APBB1IP: variants seen among roughly 807,000 people sequenced by gnomAD.
APBB1IP encodes amyloid beta precursor protein binding family B member 1 interacting protein.
A neutral mutation model predicts 64.9 loss-of-function variants in APBB1IP; 27 were observed. That is an observed-to-expected ratio of 0.42 (90% CI 0.31 to 0.57). The LOEUF (loss-of-function observed/expected upper bound fraction) is 0.57, where lower values mean the gene tolerates loss of function less well. Among genes scored for constraint, APBB1IP ranks in the 20% least tolerant of loss-of-function variants. The probability of loss-of-function intolerance (pLI) is 0.20; values close to 1 mark genes in which losing one functional copy is unlikely to be tolerated. For synonymous variants in APBB1IP, 392 were observed against 331.0 expected (o/e 1.18, Z -2.00); for missense variants, 812 against 845.5 (o/e 0.96, Z 0.49).
chr10:26,451,772 T>C (rs977249878), intron 2 of APBB1IP, among the ~76,000 whole-genome samples: 2 of 152,216 alleles, frequency 1.3e-5, no homozygotes, highest in South Asian at 2.1e-4. Flanking sequence ...AGTTCCAATG[T>C]TTTAAGATTA....
At chr10:26,487,452 T>C (rs369145585) in intron 2 of APBB1IP, among the ~76,000 whole-genome samples, 1 of 152,214 alleles carries the variant, frequency 6.6e-6, no homozygotes, top group East Asian at 1.9e-4. Flanking sequence ...AATGTCTTTT[T>C]ATCTTCACCG....
intron 8 of APBB1IP, among the ~76,000 whole-genome samples, chr10:26,520,676 T>G (rs1836391976): frequency 6.6e-6 from 1 of 152,200 alleles, no homozygotes; most frequent in Admixed American, 6.5e-5. Context: ...CACTGGTGAC[T>G]GGAAATGTGG....
rs1160145780 is a variant in APBB1IP, at chr10:26,567,117, G to A, written c.1630G>A (p.Gly544Arg). 2 of 1,427,590 alleles carry A rather than the reference G, an allele frequency of 1.4e-6. No individual in the cohort carries two copies. The highest frequency in any genetic ancestry group is 1.8e-6 in the Non-Finnish European group (2 of 1,103,270). The allele number at this position is 1,427,590 out of a possible 1,614,324, so 88.4% of individuals were successfully genotyped here. A position where few individuals can be genotyped will look rare whatever the true frequency, so the allele number is the denominator to read the frequency against. Reference sequence around the variant, plus strand: ...CCTCAAGGCCAAGGGCACAGGCGGCGGGGGCTTGCCCGCCCCACCCGACGA... The same window carrying A: ...CCTCAAGGCCAAGGGCACAGGCGGCAGGGGCTTGCCCGCCCCACCCGACGA... ...TPLKAKGTGG[G>R]GLPAPPDDFL... The change falls in exon 15 of 15, where the codon GGG becomes AGG. Residue 544 changes from glycine (G) to arginine (R), a missense_variant. Coordinates refer to ENST00000376236, the MANE Select transcript of APBB1IP (RefSeq NM_019043.4).
chr10:26,495,555 G>A (rs1172274518), intron 3 of APBB1IP, among the ~76,000 whole-genome samples: 1 of 151,018 alleles, frequency 6.6e-6, no homozygotes, highest in Non-Finnish European at 1.5e-5. Flanking sequence ...GCTCACATGA[G>A]CCCAGGAGTT....
intron 11 of APBB1IP, among the ~76,000 whole-genome samples, chr10:26,542,605 T>C (rs1468347681): frequency 6.6e-6 from 1 of 152,208 alleles, no homozygotes; most frequent in Admixed American, 6.5e-5. Flanking sequence ...CGTTTCTTTT[T>C]AGTCAAATGC....
intron 2 of APBB1IP, among the ~76,000 whole-genome samples, chr10:26,473,462 C>T (rs576282228): frequency 4.6e-5 from 7 of 152,200 alleles, no homozygotes; most frequent in Non-Finnish European, 1.0e-4. Context: ...AGCGCTGTCT[C>T]ATTGTGAGTC....
chr10:26,496,375 G>A lies in APBB1IP; in HGVS notation c.144G>A (p.Gly48=), dbSNP rs770437464. 1 of 1,610,430 alleles carries A rather than the reference G, an allele frequency of 6.2e-7. No individual in the cohort carries two copies. The highest frequency in any genetic ancestry group is 1.7e-5 in the Admixed American group (1 of 59,854). ...GAGCTGAATTTAACTACAGTGTGGG[G>A]TTTAAAGATTTAAATGGTAAGCATA... ...PPRAEFNYSV[G]FKDLNESLNA... Residue 48 remains glycine, a synonymous_variant, in exon 4 of 15, where the codon GGG becomes GGA. Transcript: ENST00000376236.
At chr10:26,492,004 T>G (rs1238690010) in intron 2 of APBB1IP, among the ~76,000 whole-genome samples, 1 of 152,118 alleles carries the variant, frequency 6.6e-6, no homozygotes, top group African/African-American at 2.4e-5. Flanking sequence ...TCAGGTGATC[T>G]GCCTGTCTCG....
chr10:26,503,426 G>A (rs1002334534), intron 6 of APBB1IP, 152 bp downstream of exon 6: 1 of 660,276 alleles, frequency 1.5e-6, no homozygotes, highest in African/African-American at 1.8e-5. Flanking sequence ...ATGAGGTCAG[G>A]AGATCGAGAC....
chr10:26,463,303 A>G (rs1423931849), intron 2 of APBB1IP, among the ~76,000 whole-genome samples: 1 of 152,146 alleles, frequency 6.6e-6, no homozygotes, highest in Non-Finnish European at 1.5e-5. Context: ...AGCTGGGGAT[A>G]GTGTCACACA....
At chr10:26,551,736 T>A (rs1423866896) in intron 11 of APBB1IP, among the ~76,000 whole-genome samples, 2 of 152,236 alleles carry the variant, frequency 1.3e-5, no homozygotes, top group Admixed American at 1.3e-4. Context: ...AAAATTATAT[T>A]ACTTTAGTGT....
rs185269307 is a variant in APBB1IP, at chr10:26,512,052, A to G, written c.691+146A>G. 6.8e-6 allele frequency: 7 copies of G among 1,028,718 alleles called. No homozygotes were observed. The Admixed American group carries it at 2.0e-4, about 30-fold the overall frequency. The allele number at this position is 1,028,718 out of a possible 1,614,324, so 63.7% of individuals were successfully genotyped here. ...ACTATGCTGCCCAGGCTGATCTCAA[A>G]ATCCTGTGCTCAAGCGATCCTCCCA... On this transcript the variant is annotated intron_variant, in intron 7 of 14. Coordinates refer to ENST00000376236, the MANE Select transcript of APBB1IP (RefSeq NM_019043.4).
chr10:26,496,807 T>A (rs61210418), intron 4 of APBB1IP, among the ~76,000 whole-genome samples: 12,210 of 150,456 alleles, frequency 0.081, 773 homozygotes, highest in East Asian at 0.24. Context: ...AAATATTTTT[T>A]AATTTATATA....
chr10:26,470,039 G>A (rs1835698100), intron 2 of APBB1IP, among the ~76,000 whole-genome samples: 1 of 152,196 alleles, frequency 6.6e-6, no homozygotes, highest in Non-Finnish European at 1.5e-5. Context: ...GATGGGGCAA[G>A]TGGCGGGGAC....
intron 2 of APBB1IP, among the ~76,000 whole-genome samples, chr10:26,473,966 C>A (rs1361141190): frequency 2.1e-5 from 3 of 144,992 alleles, no homozygotes; most frequent in Non-Finnish European, 3.0e-5. Context: ...CGCACCACTG[C>A]ACTCCAGCCT....
intron 8 of APBB1IP, among the ~76,000 whole-genome samples, chr10:26,519,826 A>G (rs1208833131): frequency 2.0e-5 from 3 of 152,230 alleles, no homozygotes; most frequent in African/African-American, 7.2e-5. Context: ...GTTTGAATCT[A>G]TCTTCTGGCC....
chr10:26,440,184 A>G (rs1932253), intron 2 of APBB1IP, among the ~76,000 whole-genome samples: 58,993 of 151,960 alleles, frequency 0.39, 11,645 homozygotes, highest in South Asian at 0.49. Flanking sequence ...TGGCTCTTAT[A>G]TCTCCCCCAT....
chr10:26,528,884 C>A (rs1002425856), intron 8 of APBB1IP, among the ~76,000 whole-genome samples: 18 of 152,130 alleles, frequency 1.2e-4, no homozygotes, highest in African/African-American at 4.3e-4. Context: ...TTGCAGTGAA[C>A]CATGATCACG....
intron 2 of APBB1IP, among the ~76,000 whole-genome samples, chr10:26,443,148 G>A (rs1317928141): frequency 6.6e-6 from 1 of 152,268 alleles, no homozygotes; most frequent in South Asian, 2.1e-4. Flanking sequence ...GTGGCCGGGC[G>A]TGGTGGCTCA....
Sources: allele counts gnomAD v4.1 joint callset (sites outside exome capture counted in the v4.1 genomes callset), GRCh38; gene constraint gnomAD v4.1.1; transcripts MANE v1.5; gene names NCBI Gene and HGNC (gene_info 2026-07-23, HGNC 2026-07-21).